Variants in MAP4 observed in about 807,000 individuals in gnomAD.
MAP4 encodes the protein microtubule-associated protein 4.
A neutral mutation model predicts 170.2 loss-of-function variants in MAP4; 76 were observed. The ratio of observed to expected loss-of-function variants is 0.45; its 90% CI spans 0.37 to 0.54. The LOEUF is 0.54. Among genes scored for constraint, MAP4 ranks in the 20% least tolerant of loss-of-function variants. The pLI, the probability that MAP4 is intolerant of heterozygous loss-of-function variation, is 0.00. For missense variants in MAP4, 2,506 were observed against 2,748.0 expected (o/e 0.91, Z 1.97); for synonymous variants, 909 against 994.5 (o/e 0.91, Z 1.62).
At chr3:47,947,281 G>A (rs1489793412) in intron 3 of MAP4, among the ~76,000 whole-genome samples, 1 of 152,100 alleles carries the variant, frequency 6.6e-6, no homozygotes, top group Non-Finnish European at 1.5e-5. Context: ...TCCTTGGAGG[G>A]GTTTTCCACT....
At chr3:47,866,275 T>G (rs1309687365) in intron 17 of MAP4, among the ~76,000 whole-genome samples, 1 of 151,536 alleles carries the variant, frequency 6.6e-6, no homozygotes, top group Non-Finnish European at 1.5e-5. Context: ...AGGTGGAGGT[T>G]GCAGTGAGCT....
chr3:47,962,126 AATAACCTGCCTCTT>A (rs2100071926), intron 3 of MAP4, among the ~76,000 whole-genome samples: 1 of 152,232 alleles, frequency 6.6e-6, no homozygotes, highest in South Asian at 2.1e-4. Flanking sequence ...GAAAGTTCTA[AATAACCTGCCTCTT>A]AATTAGCATG....
intron 10 of MAP4, among the ~76,000 whole-genome samples, chr3:47,899,914 A>C (rs561693916): frequency 1.3e-5 from 2 of 152,356 alleles, no homozygotes; most frequent in Non-Finnish European, 2.9e-5. Flanking sequence ...CAAAGCCTGC[A>C]GGTCTCTAAT....
chr3:48,014,905 T>A (rs181289889), intron 1 of MAP4, among the ~76,000 whole-genome samples: 1 of 152,256 alleles, frequency 6.6e-6, no homozygotes, highest in East Asian at 1.9e-4. Flanking sequence ...TGAAGATGTC[T>A]GAGTTCTTGG....
At chr3:47,899,800 C>T (rs2100029057) in intron 10 of MAP4, among the ~76,000 whole-genome samples, 1 of 152,160 alleles carries the variant, frequency 6.6e-6, no homozygotes, top group Non-Finnish European at 1.5e-5. Flanking sequence ...CTGGAATGTC[C>T]TTTGAGCTAA....
chr3:48,005,687 G>A (rs925511484), intron 1 of MAP4, among the ~76,000 whole-genome samples: 1 of 152,208 alleles, frequency 6.6e-6, no homozygotes, highest in African/African-American at 2.4e-5. Context: ...AGGTGGTGGA[G>A]TGGATTACTC....
At position 47,880,608 on chromosome 3, in the gene MAP4, G is replaced by A. The variant is rs373701486; in HGVS notation, c.5435-3085C>T. 6.6e-5 allele frequency among the ~76,000 whole-genome samples: 10 copies of A among 151,694 alleles called. No individual in the cohort carries two copies. In the East Asian group the frequency reaches 1.6e-3, roughly 24 times the overall value. On this transcript the variant is annotated intron_variant, in intron 10 of 20. Transcript: ENST00000683076. ...AGCCTTCCAAGTAGCTGGGACTACT[G>A]GTACGTGCCACCATACCTGAATAAT...
At chr3:47,866,151 G>A (rs985965095) in intron 17 of MAP4, among the ~76,000 whole-genome samples, 24 of 150,946 alleles carry the variant, frequency 1.6e-4, no homozygotes, top group Non-Finnish European at 2.7e-4. Flanking sequence ...AGCCTGGCCA[G>A]CATGATGAAA....
chr3:47,919,510 A>G (rs2100041629), intron 5 of MAP4, among the ~76,000 whole-genome samples: 1 of 150,772 alleles, frequency 6.6e-6, no homozygotes, highest in Admixed American at 6.6e-5. Flanking sequence ...GGGTGTCACT[A>G]TGTTGGCCAG....
At chr3:47,898,522 C>T (rs2100028262) in intron 10 of MAP4, among the ~76,000 whole-genome samples, 1 of 150,426 alleles carries the variant, frequency 6.6e-6, no homozygotes, top group Admixed American at 6.6e-5. Flanking sequence ...AAAAAGATTA[C>T]ACTATTGCTT....
At chr3:47,928,999 C>T (rs960917584) in intron 3 of MAP4, among the ~76,000 whole-genome samples, 1 of 152,094 alleles carries the variant, frequency 6.6e-6, no homozygotes, top group Non-Finnish European at 1.5e-5. Flanking sequence ...AAAGCCAAAA[C>T]AATTTTGAAG....
intron 1 of MAP4, chr3:48,039,158 T>C (rs1329147350): frequency 6.6e-6 from 1 of 152,094 alleles, no homozygotes; most frequent in Non-Finnish European, 1.5e-5. Context: ...CAGTGAGTCA[T>C]AATTTGAAAA....
intron 1 of MAP4, among the ~76,000 whole-genome samples, chr3:48,045,886 T>A (rs1430732066): frequency 6.6e-6 from 1 of 152,188 alleles, no homozygotes; most frequent in Non-Finnish European, 1.5e-5. Context: ...CACACTCCTG[T>A]CTGAGTCTGG....
chr3:47,940,794 CCA>C (rs1188621114), intron 3 of MAP4, among the ~76,000 whole-genome samples: 1 of 152,160 alleles, frequency 6.6e-6, no homozygotes, highest in Non-Finnish European at 1.5e-5. Context: ...TAAGAAACTA[CCA>C]CTTGGCTAGG....
intron 11 of MAP4, 21 bp from the exon 12 acceptor site, chr3:47,875,921 A>AT: frequency 6.5e-7 from 1 of 1,539,144 alleles, no homozygotes; most frequent in Non-Finnish European, 8.8e-7. Context: ...ATTGTTGTTT[A>AT]TTTTTTATTT....
chr3:47,860,165 A>C (rs991646375), intron 17 of MAP4, among the ~76,000 whole-genome samples: 2 of 152,060 alleles, frequency 1.3e-5, no homozygotes, highest in Admixed American at 6.6e-5. Flanking sequence ...GTTAACAGTC[A>C]CTCTCCAAGC....
intron 1 of MAP4, among the ~76,000 whole-genome samples, chr3:48,038,129 T>C (rs111440618): frequency 6.8e-6 from 1 of 147,444 alleles, no homozygotes; most frequent in Non-Finnish European, 1.5e-5. Context: ...GATCACGCCA[T>C]TGCATTCCAG....
intron 10 of MAP4, chr3:47,891,377 C>G: frequency 3.3e-6 from 5 of 1,535,982 alleles, no homozygotes; most frequent in Non-Finnish European, 3.5e-6. Flanking sequence ...GGGCAGTTTC[C>G]CAGGGCTCAA....
chr3:48,053,475 A>G (rs781730382), intron 1 of MAP4, among the ~76,000 whole-genome samples: 1 of 152,344 alleles, frequency 6.6e-6, no homozygotes, highest in Non-Finnish European at 1.5e-5. Flanking sequence ...ATATTATGGA[A>G]AATATGAACA....
Sources: gnomAD v4.1 joint callset for allele counts (sites outside exome capture counted in the v4.1 genomes callset) on GRCh38, gnomAD v4.1.1 for gene constraint, MANE v1.5 for transcripts, NCBI Gene and HGNC (gene_info 2026-07-23, HGNC 2026-07-21) for gene names.